Variants in FAM240B observed in about 807,000 individuals in gnomAD.
The protein encoded by FAM240B is family with sequence similarity 240 member B, also known as protein FAM240B.
At chr9:38,708,197 A>G (rs1821212744) in intron 1 of FAM240B, among the ~76,000 whole-genome samples, 1 of 152,118 alleles carries the variant, frequency 6.6e-6, no homozygotes, top group Non-Finnish European at 1.5e-5. Flanking sequence ...GGTAGAACCT[A>G]TGTCTTTCTT....
intron 2 of FAM240B, among the ~76,000 whole-genome samples, chr9:38,697,491 C>T (rs1023182000): frequency 5.3e-5 from 8 of 152,206 alleles, no homozygotes; most frequent in Non-Finnish European, 1.0e-4. Context: ...AGTCTGATGA[C>T]TTTCCTTCAT....
At chr9:38,715,908 C>G (rs145799590) in intron 1 of FAM240B, among the ~76,000 whole-genome samples, 9 of 152,080 alleles carry the variant, frequency 5.9e-5, no homozygotes, top group African/African-American at 2.2e-4. Flanking sequence ...AAAGCACCAC[C>G]CCTCCCCGGT....
chr9:38,699,164 T>C (rs1024237345), intron 2 of FAM240B, among the ~76,000 whole-genome samples: 2 of 152,214 alleles, frequency 1.3e-5, no homozygotes, highest in South Asian at 2.1e-4. Flanking sequence ...TCTTCTGATT[T>C]GTGGAGGAGT....
intron 2 of FAM240B, among the ~76,000 whole-genome samples, chr9:38,696,108 G>C (rs1444513955): frequency 6.6e-6 from 1 of 152,184 alleles, no homozygotes; most frequent in African/African-American, 2.4e-5. Context: ...ATGGGCCCGG[G>C]AAAGAATGGG....
intron 1 of FAM240B, among the ~76,000 whole-genome samples, chr9:38,708,590 C>T (rs1004265294): frequency 2.6e-5 from 4 of 152,212 alleles, no homozygotes; most frequent in Non-Finnish European, 5.9e-5. Flanking sequence ...AAGCCCTTCA[C>T]TTGCTCGGAG....
At chr9:38,699,126 G>C (rs1821095424) in intron 2 of FAM240B, among the ~76,000 whole-genome samples, 1 of 152,196 alleles carries the variant, frequency 6.6e-6, no homozygotes, top group Non-Finnish European at 1.5e-5. Flanking sequence ...TTGAGACCAA[G>C]TAATGTTTAC....
intron 2 of FAM240B, among the ~76,000 whole-genome samples, chr9:38,695,838 C>T (rs1289749997): frequency 6.6e-6 from 1 of 152,188 alleles, no homozygotes; most frequent in Non-Finnish European, 1.5e-5. Context: ...AGTGAACAAA[C>T]AAATAGATTA....
At chr9:38,718,294 T>C (rs1482738239) in intron 1 of FAM240B, among the ~76,000 whole-genome samples, 1 of 152,230 alleles carries the variant, frequency 6.6e-6, no homozygotes, top group Non-Finnish European at 1.5e-5. Context: ...AGAAGTATAA[T>C]TGCAGGTCAA....
intron 1 of FAM240B, among the ~76,000 whole-genome samples, chr9:38,717,638 A>G (rs938629643): frequency 2.3e-4 from 35 of 151,666 alleles, no homozygotes; most frequent in African/African-American, 7.5e-4. Flanking sequence ...CCGCCGCCAC[A>G]CCCGGCTAAT....
At chr9:38,696,475 T>C (rs1821069960) in intron 2 of FAM240B, among the ~76,000 whole-genome samples, 1 of 152,182 alleles carries the variant, frequency 6.6e-6, no homozygotes, top group Non-Finnish European at 1.5e-5. Flanking sequence ...GGGTGGTGCC[T>C]GTTGCATAAA....
intron 1 of FAM240B, among the ~76,000 whole-genome samples, chr9:38,718,055 A>G (rs189451314): frequency 7.2e-5 from 11 of 152,366 alleles, no homozygotes; most frequent in Admixed American, 7.2e-4. Context: ...GCAGGGCCAT[A>G]CAATAAACAC....
intron 2 of FAM240B, among the ~76,000 whole-genome samples, chr9:38,703,474 G>A (rs1403525214): frequency 6.6e-6 from 1 of 152,148 alleles, no homozygotes; most frequent in African/African-American, 2.4e-5. Context: ...AAACTAACTG[G>A]TCCTGAATTA....
intron 1 of FAM240B, among the ~76,000 whole-genome samples, chr9:38,708,493 CCT>C (rs1350168166): frequency 6.6e-6 from 1 of 152,200 alleles, no homozygotes; most frequent in Non-Finnish European, 1.5e-5. Flanking sequence ...CCCTACCTCC[CCT>C]GTCAGGCCAG....
In FAM240B at chr9:38,718,074, A is replaced by G. The variant is rs548135749; in HGVS notation, c.-4+1948T>C. ...GGCCATACAATAAACACTGTTTTGC[A>G]TTTTGCCTTTTTCAACTAAGAAAAT... On this transcript the variant is annotated intron_variant, in intron 1 of 2. Coordinates refer to ENST00000637493, the MANE Select transcript of FAM240B (RefSeq NM_001394922.1). 9.2e-5 allele frequency among the ~76,000 whole-genome samples: 14 copies of G among 152,258 alleles called. No homozygotes were observed. The South Asian group carries it at 2.5e-3, about 27-fold the overall frequency.
At chr9:38,717,710 C>T (rs1328714419) in intron 1 of FAM240B, among the ~76,000 whole-genome samples, 1 of 151,888 alleles carries the variant, frequency 6.6e-6, no homozygotes, top group Non-Finnish European at 1.5e-5. Flanking sequence ...TCTCAATATC[C>T]TGACCTCGTG....
At chr9:38,707,081 G>T (rs191556640) in intron 1 of FAM240B, among the ~76,000 whole-genome samples, 1 of 152,228 alleles carries the variant, frequency 6.6e-6, no homozygotes, top group Admixed American at 6.5e-5. Context: ...TATGCAGAAG[G>T]TAATGCCTTT....
intron 1 of FAM240B, among the ~76,000 whole-genome samples, chr9:38,719,350 C>T (rs1290572270): frequency 2.0e-5 from 3 of 151,792 alleles, no homozygotes; most frequent in Non-Finnish European, 4.4e-5. Flanking sequence ...ATAATTCCAA[C>T]AGCAGTTCTT....
intron 1 of FAM240B, among the ~76,000 whole-genome samples, chr9:38,716,395 T>C (rs1280261049): frequency 6.6e-6 from 1 of 152,088 alleles, no homozygotes; most frequent in Non-Finnish European, 1.5e-5. Context: ...TCGCTTGAAC[T>C]GGGGAGGCGG....
Position 38,694,702 on chromosome 9 carries a change from A to G in FAM240B, c.*74T>C. The G allele has an allele frequency of 2.5e-6, 1 of 396,254 alleles. No individual in the cohort carries two copies. Among genetic ancestry groups the G allele is most frequent in the Non-Finnish European group, 4.4e-6 (1 of 225,278 alleles). 24.5% of individuals were successfully genotyped at this position (396,254 alleles called of 1,614,324 possible). Reference sequence around the variant, plus strand: ...AGCGTCCTGTTTAGTAAATCAGCACAACTTGAGTGTTAGTTTTTTTCCCCT... The same window carrying G: ...AGCGTCCTGTTTAGTAAATCAGCACGACTTGAGTGTTAGTTTTTTTCCCCT... On this transcript the variant is annotated 3_prime_UTR_variant, in exon 3 of 3. Coordinates refer to ENST00000637493, the MANE Select transcript of FAM240B (RefSeq NM_001394922.1).
Sources: gnomAD v4.1 joint callset for allele counts (sites outside exome capture counted in the v4.1 genomes callset) on GRCh38, gnomAD v4.1.1 for gene constraint, MANE v1.5 for transcripts, NCBI Gene and HGNC (gene_info 2026-07-23, HGNC 2026-07-21) for gene names.